The following NEMP2 variants were observed in gnomAD, a reference collection of about 807,000 sequenced individuals.
The protein encoded by NEMP2 is UPF0571 transmembrane protein.
In NEMP2, 53 loss-of-function variants were observed where a neutral mutation model predicts 54.2. That is an observed-to-expected ratio of 0.98 (90% CI 0.78 to 1.23). NEMP2 has a LOEUF of 1.23. NEMP2 is among the 50% of genes most tolerant of loss of function. The pLI, the probability that NEMP2 is intolerant of heterozygous loss-of-function variation, is 0.00. For missense variants in NEMP2, 455 were observed against 511.3 expected (o/e 0.89, Z 1.06); for synonymous variants, 197 against 190.3 (o/e 1.04, Z -0.29).
At chr2:190,578,311 GA>G in the NEMP2 span, among the ~76,000 whole-genome samples, 3 of 152,312 alleles carry the variant, frequency 2.0e-5, no homozygotes, top group Non-Finnish European at 4.4e-5. This position sits in a 1 kb window ranked among gnomAD's most constrained non-coding sequence, Gnocchi z 4.4. Context: ...GTAGTTTCCA[GA>G]AATAGAACTG....
intron 1 of NEMP2, chr2:190,534,236 A>T: frequency 9.1e-7 from 1 of 1,096,556 alleles, no homozygotes. Context: ...TGCCAGTGAC[A>T]AGCTGTGTGA....
At chr2:190,602,437 C>T in the NEMP2 span, among the ~76,000 whole-genome samples, 17 of 152,284 alleles carry the variant, frequency 1.1e-4, no homozygotes, top group Admixed American at 4.6e-4. Flanking sequence ...CACATTATGG[C>T]GGGTACCCAA....
chr2:190,629,296 A>C, the NEMP2 span, among the ~76,000 whole-genome samples: 3 of 152,218 alleles, frequency 2.0e-5, no homozygotes, highest in African/African-American at 4.8e-5. Flanking sequence ...TGAAATACGT[A>C]TTATGAAAAA....
At chr2:190,635,798 TAACTA>T in the NEMP2 span, among the ~76,000 whole-genome samples, 1 of 152,216 alleles carries the variant, frequency 6.6e-6, no homozygotes, top group Non-Finnish European at 1.5e-5. The surrounding 1 kb of genome is among the most constrained non-coding windows in gnomAD (Gnocchi z 4.1). Context: ...ACCTTTAACT[TAACTA>T]AATACCACCA....
chr2:190,558,525 A>C, the NEMP2 span, among the ~76,000 whole-genome samples: 1 of 152,244 alleles, frequency 6.6e-6, no homozygotes, highest in African/African-American at 2.4e-5. This position sits in a 1 kb window ranked among gnomAD's most constrained non-coding sequence, Gnocchi z 4.4. Context: ...TGTGCTATTT[A>C]GATACTAAAA....
chr2:190,573,443 G>A, the NEMP2 span, among the ~76,000 whole-genome samples: 18 of 152,244 alleles, frequency 1.2e-4, no homozygotes, highest in African/African-American at 4.3e-4. Flanking sequence ...AAGTCTGTGT[G>A]TAATTTGCTA....
At chr2:190,566,207 G>A in the NEMP2 span, among the ~76,000 whole-genome samples, 1 of 152,200 alleles carries the variant, frequency 6.6e-6, no homozygotes, top group African/African-American at 2.4e-5. Flanking sequence ...CAGTAGACTA[G>A]ATAGAGAATG....
chr2:190,460,501 T>A, the NEMP2 span, among the ~76,000 whole-genome samples: 2 of 152,230 alleles, frequency 1.3e-5, no homozygotes, highest in Admixed American at 1.3e-4. Context: ...ATATTCTATT[T>A]GAAGTATTCA....
chr2:190,601,708 C>T, the NEMP2 span, among the ~76,000 whole-genome samples: 1 of 152,166 alleles, frequency 6.6e-6, no homozygotes, highest in Non-Finnish European at 1.5e-5. This position sits in a 1 kb window ranked among gnomAD's most constrained non-coding sequence, Gnocchi z 5.8. Context: ...GCCAAAGAAT[C>T]TGTTTCTCCA....
the NEMP2 span, among the ~76,000 whole-genome samples, chr2:190,444,458 C>A: frequency 6.6e-6 from 1 of 152,194 alleles, no homozygotes; most frequent in African/African-American, 2.4e-5. Context: ...TAAATGAGTG[C>A]TCTGTAGCAG....
chr2:190,592,114 T>A, the NEMP2 span, among the ~76,000 whole-genome samples: 3 of 152,068 alleles, frequency 2.0e-5, no homozygotes, highest in East Asian at 5.8e-4. The surrounding 1 kb of genome is among the most constrained non-coding windows in gnomAD (Gnocchi z 4.4). Context: ...CTCAGACCCC[T>A]CCCCCAGAGG....
the NEMP2 span, among the ~76,000 whole-genome samples, chr2:190,490,335 G>A: frequency 3.3e-5 from 5 of 151,326 alleles, no homozygotes; most frequent in African/African-American, 7.3e-5. This position sits in a 1 kb window ranked among gnomAD's most constrained non-coding sequence, Gnocchi z 4.5. Flanking sequence ...AGGCCGAGGC[G>A]GGTGGATCAC....
chr2:190,482,868 C>CTTTTTTTTTTTT, the NEMP2 span, among the ~76,000 whole-genome samples: 24 of 48,288 alleles, frequency 5.0e-4, 7 homozygotes, highest in South Asian at 7.0e-4. Context: ...AGACTATCAT[C>CTTTTTTTTTTTT]TTTTTTTTTT....
At chr2:190,582,960 C>A in the NEMP2 span, among the ~76,000 whole-genome samples, 1 of 152,156 alleles carries the variant, frequency 6.6e-6, no homozygotes. The surrounding 1 kb of genome is among the most constrained non-coding windows in gnomAD (Gnocchi z 4.6). Context: ...TTTCAGCAAG[C>A]TTGTTATTTA....
chr2:190,642,534 C>T, the NEMP2 span, among the ~76,000 whole-genome samples: 4 of 151,938 alleles, frequency 2.6e-5, no homozygotes, highest in Admixed American at 2.0e-4. This position sits in a 1 kb window ranked among gnomAD's most constrained non-coding sequence, Gnocchi z 4.1. Flanking sequence ...CTTTAAGAAA[C>T]TTGTTTATAA....
the NEMP2 span, among the ~76,000 whole-genome samples, chr2:190,560,253 G>A: frequency 1.2e-4 from 18 of 152,330 alleles, no homozygotes; most frequent in African/African-American, 3.8e-4. This position sits in a 1 kb window ranked among gnomAD's most constrained non-coding sequence, Gnocchi z 5.4. Context: ...ATGCTTCAGA[G>A]GGTTGAAAGC....
the NEMP2 span, chr2:190,436,006 A>G: frequency 6.3e-7 from 1 of 1,581,392 alleles, no homozygotes; most frequent in Non-Finnish European, 8.6e-7. The surrounding 1 kb of genome is among the most constrained non-coding windows in gnomAD (Gnocchi z 5.3). Context: ...AAGTTTGTAA[A>G]CTTGCTGATG....
rs1691074618 is a variant in NEMP2 at position 190,529,745 on chromosome 2, T to C, written c.98-4367A>G. On this transcript the variant is annotated intron_variant, in intron 1 of 8. Coordinates refer to ENST00000409150, the MANE Select transcript of NEMP2 (RefSeq NM_001142645.2). This position sits in a 1 kb window ranked among gnomAD's most constrained non-coding sequence, Gnocchi z 4.7. ...CCTACCAATGGAAGTCCAGCCAATC[T>C]TTGTAAGAGCCTGGCCAGGAATAGT... 6.6e-6 allele frequency among the ~76,000 whole-genome samples: 1 copy of C among 152,142 alleles called. No homozygotes were observed. Among genetic ancestry groups the C allele is most frequent in the Non-Finnish European group, 1.5e-5 (1 of 68,030 alleles).
At chr2:190,445,153 A>C in the NEMP2 span, among the ~76,000 whole-genome samples, 1 of 152,128 alleles carries the variant, frequency 6.6e-6, no homozygotes, top group Admixed American at 6.6e-5. Flanking sequence ...GCTGAGTCTC[A>C]GTTTTATTCA....
Sources: allele counts gnomAD v4.1 joint callset (sites outside exome capture counted in the v4.1 genomes callset), GRCh38; gene constraint gnomAD v4.1.1; non-coding constraint Gnocchi (gnomAD v3.1); transcripts MANE v1.5; gene names NCBI Gene and HGNC (gene_info 2026-07-23, HGNC 2026-07-21).